The following MGA variants were observed in gnomAD, a reference collection of about 807,000 sequenced individuals.
MGA encodes the protein MAX dimerization protein MGA, also known as MAX gene-associated protein.
A neutral mutation model predicts 261.1 loss-of-function variants in MGA; 40 were observed. The observed-to-expected ratio is 0.15, with a 90% CI of 0.12 to 0.20. The LOEUF (loss-of-function observed/expected upper bound fraction) is 0.20. Among genes scored for constraint, MGA ranks in the 10% least tolerant of loss-of-function variants. The pLI is 1.00. For synonymous variants in MGA, 1,302 were observed against 1,290.6 expected (o/e 1.01, Z -0.19); for missense variants, 3,397 against 3,630.5 (o/e 0.94, Z 1.65).
chr15:41,649,280 G>T (rs1229050029), intron 1 of MGA, among the ~76,000 whole-genome samples: 2 of 151,828 alleles, frequency 1.3e-5, no homozygotes, highest in African/African-American at 2.4e-5. Flanking sequence ...TATTCGGGAG[G>T]CTGAGGCAGA....
At chr15:41,626,149 G>A (rs745883884) in intron 1 of MGA, among the ~76,000 whole-genome samples, 61 of 152,182 alleles carry the variant, frequency 4.0e-4, no homozygotes, top group Non-Finnish European at 7.6e-4. Flanking sequence ...GGGGATCTTG[G>A]AATGTATCCT....
Position 41,766,420 on chromosome 15 carries a change from A to G in MGA, c.8338A>G (p.Met2780Val). 3 of 1,613,936 alleles carry G rather than the reference A, an allele frequency of 1.9e-6. No individual in the cohort carries two copies. The highest frequency in any genetic ancestry group is 8.5e-7 in the Non-Finnish European group (1 of 1,179,826). Residue 2780 changes from methionine to valine, a missense_variant, in exon 24 of 24, where the codon ATG (methionine) becomes GTG (valine). Coordinates refer to ENST00000219905, the MANE Select transcript of MGA (RefSeq NM_001164273.2). ...GGATTCTTCATTTCATAAATTAAAG[A>G]TGAAAGATCTCAAGGACTCAAGCAT...
intron 1 of MGA, among the ~76,000 whole-genome samples, chr15:41,622,912 C>T (rs553962739): frequency 1.3e-5 from 2 of 152,276 alleles, no homozygotes; most frequent in East Asian, 1.9e-4. Context: ...AAAGAGTCTT[C>T]GAATTTTGTG....
At chr15:41,697,507 C>G (rs1225453557) in intron 3 of MGA, among the ~76,000 whole-genome samples, 1 of 150,568 alleles carries the variant, frequency 6.6e-6, no homozygotes, top group Non-Finnish European at 1.5e-5. Flanking sequence ...ATCTCCGTCT[C>G]CCGAGTTCAA....
At chr15:41,748,527 G>C (rs1595961358) in intron 15 of MGA, 110 bp from the exon 16 acceptor site, 1 of 1,272,420 alleles carries the variant, frequency 7.9e-7, no homozygotes, top group African/African-American at 1.5e-5. Flanking sequence ...TTGCACTCCA[G>C]CCTGAGCAAC....
upstream of MGA, among the ~76,000 whole-genome samples, chr15:41,657,869 A>T (rs1248936607): frequency 6.6e-6 from 1 of 152,046 alleles, no homozygotes; most frequent in Non-Finnish European, 1.5e-5. Flanking sequence ...ATCAGAACCG[A>T]AAGGATTGGA....
Position 41,749,443 on chromosome 15 carries a change from T to G in MGA, c.5836T>G (p.Leu1946Val). 1 of 1,614,050 alleles carries G rather than the reference T, an allele frequency of 6.2e-7. No homozygotes were observed. The highest frequency in any genetic ancestry group is 8.5e-7 in the Non-Finnish European group (1 of 1,179,896). The change falls in exon 17 of 24, where the codon TTG becomes GTG. Residue 1946 changes from leucine (L) to valine (V), a missense_variant. By Grantham distance (32) the Leu-to-Val change is conservative (BLOSUM62 1). This residue lies in a region of MGA where 1,410 missense variants were observed against 1,386.4 expected (regional missense o/e 1.02). Coordinates refer to ENST00000219905, the MANE Select transcript of MGA (RefSeq NM_001164273.2). ...TCCTCTCCAGTCTGGTAGTTTTGCC[T>G]TGTTACAGCTCCCAGGACAAAAGCC...
At chr15:41,639,770 G>T (rs181052287) in intron 1 of MGA, among the ~76,000 whole-genome samples, 29 of 151,966 alleles carry the variant, frequency 1.9e-4, no homozygotes, top group African/African-American at 7.0e-4. Context: ...GGATGGTCTC[G>T]ATCTCCTGAC....
intron 1 of MGA, among the ~76,000 whole-genome samples, chr15:41,632,178 A>G (rs533869645): frequency 2.6e-5 from 4 of 152,260 alleles, no homozygotes; most frequent in South Asian, 4.2e-4. Flanking sequence ...GGGGTTGGCA[A>G]ATGTTTTCTG....
chr15:41,669,789 G>T lies in MGA; in HGVS notation c.895G>T (p.Gly299Trp), dbSNP rs370436878. ...TCGGGTCCGTCTTACAGAAGGTCAGGGGTCAGAGATACAACCAGGTGATTT... is the reference window on the plus strand; with the variant it reads ...TCGGGTCCGTCTTACAGAAGGTCAGTGGTCAGAGATACAACCAGGTGATTT... The change falls in exon 2 of 24, where the codon GGG (glycine) becomes TGG (tryptophan). Residue 299 changes from glycine (G) to tryptophan (W), a missense_variant. Physicochemically the swap from Gly to Trp is radical, Grantham distance 184. Coordinates refer to ENST00000219905, the MANE Select transcript of MGA (RefSeq NM_001164273.2). The T allele has an allele frequency of 1.9e-6, 3 of 1,613,976 alleles. No homozygotes were observed. The highest frequency in any genetic ancestry group is 1.7e-5 in the Admixed American group (1 of 60,022).
chr15:41,722,525 A>G (rs745911851), intron 9 of MGA, among the ~76,000 whole-genome samples: 14 of 152,268 alleles, frequency 9.2e-5, no homozygotes, highest in Non-Finnish European at 1.8e-4. Context: ...TGCCTTTTTT[A>G]TAGGAAGGGG....
Position 41,767,249 on chromosome 15 carries a change from C to T in MGA, c.9167C>T (p.Ser3056Leu), listed in dbSNP as rs753335816. The T allele has an allele frequency of 8.7e-6, 14 of 1,612,558 alleles. No individual in the cohort carries two copies. In the Middle Eastern group the frequency reaches 4.9e-4, roughly 57 times the overall value. Residue 3056 changes from serine to leucine, a missense_variant, in exon 24 of 24, where the codon TCG becomes TTG. Ser to Leu is a moderately radical substitution (Grantham distance 145, BLOSUM62 -2). Coordinates refer to ENST00000219905, the MANE Select transcript of MGA (RefSeq NM_001164273.2). The stretch of plus-strand genomic sequence containing the variant: ...CCTGTTGTGGCTAAATTGGGCAACT[C>T]GGGGGCCTCACCAAGTTCTGCAGGG...
intron 1 of MGA, among the ~76,000 whole-genome samples, chr15:41,665,172 T>G (rs1370532193): frequency 1.3e-5 from 2 of 152,200 alleles, no homozygotes; most frequent in Non-Finnish European, 2.9e-5. Context: ...AAATTCAGAT[T>G]AGGTGCTTTT....
chr15:41,699,321 T>C (rs2059713000), intron 5 of MGA, among the ~76,000 whole-genome samples, 162 bp downstream of exon 5: 1 of 152,180 alleles, frequency 6.6e-6, no homozygotes, highest in African/African-American at 2.4e-5. Context: ...AGTTTGCATA[T>C]TTTTCTCTTC....
At chr15:41,731,573 T>C (rs2061510898) in intron 11 of MGA, among the ~76,000 whole-genome samples, 1 of 152,178 alleles carries the variant, frequency 6.6e-6, no homozygotes, top group African/African-American at 2.4e-5. Context: ...AGGAGGTAGG[T>C]CTGGCTTTTA....
chr15:41,755,871 T>C (rs991132076), intron 18 of MGA, among the ~76,000 whole-genome samples: 1 of 152,060 alleles, frequency 6.6e-6, no homozygotes, highest in African/African-American at 2.4e-5. Flanking sequence ...ATATGCAAAT[T>C]AGCCGGGCTT....
intron 1 of MGA, among the ~76,000 whole-genome samples, chr15:41,639,195 C>G (rs2150605149): frequency 6.6e-6 from 1 of 152,198 alleles, no homozygotes; most frequent in Non-Finnish European, 1.5e-5. Context: ...CTGACTTCAC[C>G]CTTTTCTTTT....
chr15:41,755,400 T>C (rs2151955746), intron 18 of MGA, among the ~76,000 whole-genome samples: 1 of 152,340 alleles, frequency 6.6e-6, no homozygotes, highest in East Asian at 1.9e-4. Context: ...CTGGCTAAAC[T>C]TGAAAGAATT....
At chr15:41,742,337 C>T (rs1303046872) in intron 14 of MGA, among the ~76,000 whole-genome samples, 3 of 151,612 alleles carry the variant, frequency 2.0e-5, no homozygotes, top group African/African-American at 2.4e-5. Flanking sequence ...TGCAGTGAGC[C>T]GAGATCGCGC....
Sources: gnomAD v4.1 joint callset for allele counts (sites outside exome capture counted in the v4.1 genomes callset) on GRCh38, gnomAD v4.1.1 for gene constraint, gnomAD v4.1.1 regional missense constraint, MANE v1.5 for transcripts, NCBI Gene and HGNC (gene_info 2026-07-23, HGNC 2026-07-21) for gene names.